Variants in CCNY observed in about 807,000 individuals in gnomAD.
CCNY encodes the protein cyclin-Y.
In CCNY, 19 loss-of-function variants were observed where a neutral mutation model predicts 42.8. That is an observed-to-expected ratio of 0.44 (90% CI 0.31 to 0.65). CCNY has a LOEUF of 0.65. CCNY is among the 30% of genes least tolerant of loss of function. The pLI, the probability that CCNY is intolerant of heterozygous loss-of-function variation, is 0.07. For synonymous variants in CCNY, 165 were observed against 162.7 expected (o/e 1.01, Z -0.11); for missense variants, 370 against 437.3 (o/e 0.85, Z 1.37).
At chr10:35,503,591 G>A (rs1254063155) in intron 3 of CCNY, among the ~76,000 whole-genome samples, 2 of 152,340 alleles carry the variant, frequency 1.3e-5, no homozygotes, top group East Asian at 3.9e-4. Flanking sequence ...TTAGAACAGT[G>A]GAGAAAGGAC....
intron 3 of CCNY, among the ~76,000 whole-genome samples, chr10:35,279,843 G>A (rs536135380): frequency 6.6e-6 from 1 of 152,318 alleles, no homozygotes; most frequent in South Asian, 2.1e-4. Flanking sequence ...AAGTTTGAAA[G>A]ATCACATAGA....
intron 7 of CCNY, among the ~76,000 whole-genome samples, chr10:35,539,365 G>A (rs1840949861): frequency 6.6e-6 from 1 of 152,180 alleles, no homozygotes; most frequent in Non-Finnish European, 1.5e-5. Flanking sequence ...AAGTATTGCA[G>A]TCTTAGCAAT....
At chr10:35,503,903 T>C (rs944256833) in intron 3 of CCNY, among the ~76,000 whole-genome samples, 1 of 152,244 alleles carries the variant, frequency 6.6e-6, no homozygotes, top group African/African-American at 2.4e-5. Flanking sequence ...CTTGCTTATC[T>C]GAACTTAGAG....
At chr10:35,298,290 T>C (rs1344832358) in intron 3 of CCNY, among the ~76,000 whole-genome samples, 1 of 152,148 alleles carries the variant, frequency 6.6e-6, no homozygotes, top group Non-Finnish European at 1.5e-5. Context: ...CCCCCAAAGT[T>C]CCTTCATATC....
chr10:35,396,630 G>C (rs1837533120), intron 1 of CCNY, among the ~76,000 whole-genome samples: 1 of 152,262 alleles, frequency 6.6e-6, no homozygotes, highest in Non-Finnish European at 1.5e-5. Flanking sequence ...CTTGCCCCAA[G>C]GGCTGGTGAG....
intron 3 of CCNY, among the ~76,000 whole-genome samples, chr10:35,506,167 C>CT (rs1554796114): frequency 7.9e-5 from 12 of 152,092 alleles, no homozygotes; most frequent in African/African-American, 2.4e-4. Flanking sequence ...TGAAAGAAGA[C>CT]TAAGTTTTTA....
intron 3 of CCNY, among the ~76,000 whole-genome samples, chr10:35,268,607 C>T (rs1177474192): frequency 1.3e-5 from 2 of 152,226 alleles, no homozygotes; most frequent in African/African-American, 2.4e-5. Flanking sequence ...AGCCAGGGCT[C>T]TCTGCAGTGA....
At chr10:35,513,400 CA>C (rs1840361947) in intron 3 of CCNY, among the ~76,000 whole-genome samples, 1 of 152,204 alleles carries the variant, frequency 6.6e-6, no homozygotes, top group East Asian at 1.9e-4. Context: ...GGGTGATGCC[CA>C]TCCTTTGCAA....
At chr10:35,450,661 G>T (rs1431676912) in intron 1 of CCNY, among the ~76,000 whole-genome samples, 1 of 151,758 alleles carries the variant, frequency 6.6e-6, no homozygotes, top group African/African-American at 2.4e-5. Context: ...TGGACATGGG[G>T]CACTTGGGGA....
In CCNY at chr10:35,324,156, TAGAC is replaced by T. The variant is rs201316679; in HGVS notation, c.-9+73535_-9+73538del. Among the ~76,000 whole-genome samples the T allele has an allele frequency of 8.1e-3, 1,235 of 152,304 alleles. 14 individuals are homozygous for T. The highest frequency in any genetic ancestry group is 0.028 in the African/African-American group (1,157 of 41,566). On this transcript the variant is annotated intron_variant, in intron 3 of 11. Coordinates refer to the CCNY transcript ENST00000374706. ...TCAATTCCTTTAAGAAGCCTCCACT[TAGAC>T]AGACGACCCTGGCACTCATAGCTCA...
intron 7 of CCNY, among the ~76,000 whole-genome samples, chr10:35,542,256 T>C (rs1056241015): frequency 6.6e-6 from 1 of 151,450 alleles, no homozygotes; most frequent in East Asian, 1.9e-4. Context: ...GGGATTTGTC[T>C]GACGTTTTTG....
At chr10:35,357,481 A>G (rs189398568) in intron 1 of CCNY, among the ~76,000 whole-genome samples, 1 of 152,302 alleles carries the variant, frequency 6.6e-6, no homozygotes, top group African/African-American at 2.4e-5. Context: ...AGACCTTGGC[A>G]TTTTTAAAGA....
intron 1 of CCNY, among the ~76,000 whole-genome samples, chr10:35,418,312 C>A (rs1838070996): frequency 6.6e-6 from 1 of 152,056 alleles, no homozygotes; most frequent in Non-Finnish European, 1.5e-5. Context: ...AATGAAAAGG[C>A]TGAGAAACCC....
chr10:35,474,759 C>T (rs1351197087), intron 1 of CCNY, among the ~76,000 whole-genome samples: 10 of 151,762 alleles, frequency 6.6e-5, no homozygotes, highest in South Asian at 2.1e-4. Context: ...TCCAAAGGAA[C>T]GCAGCTCCTC....
intron 3 of CCNY, among the ~76,000 whole-genome samples, chr10:35,255,333 T>A (rs2095714730): frequency 6.6e-6 from 1 of 151,446 alleles, no homozygotes; most frequent in Non-Finnish European, 1.5e-5. Flanking sequence ...TTCTTTTTTT[T>A]TTTTTGAGAC....
At chr10:35,293,026 C>T (rs760974294) in intron 3 of CCNY, among the ~76,000 whole-genome samples, 26 of 151,870 alleles carry the variant, frequency 1.7e-4, no homozygotes, top group Non-Finnish European at 2.4e-4. Flanking sequence ...GTGATCCACC[C>T]GCCTTGGCCT....
intron 9 of CCNY, 47 bp from the exon 10 acceptor site, chr10:35,569,007 C>T (rs528180413): frequency 7.1e-6 from 9 of 1,270,766 alleles, no homozygotes; most frequent in South Asian, 3.6e-5. Context: ...GAGCAATGGA[C>T]GCAGATATGG....
intron 1 of CCNY, among the ~76,000 whole-genome samples, chr10:35,446,393 GGA>G (rs1257084616): frequency 6.6e-6 from 1 of 152,092 alleles, no homozygotes; most frequent in Non-Finnish European, 1.5e-5. Context: ...TGAAAAATGT[GGA>G]GTTTTTTTTC....
At position 35,367,036 on chromosome 10, in the gene CCNY, C is replaced by T. The variant is rs1055620513; in HGVS notation, c.154+29829C>T. ...TGTCTGTTGTTCTCATATAAAATTC[C>T]CTTTATAAGCATTTTGATTGACTTG... On this transcript the variant is annotated intron_variant, in intron 1 of 9. Coordinates refer to ENST00000374704, the MANE Select transcript of CCNY (RefSeq NM_145012.6). Among the ~76,000 whole-genome samples the T allele has an allele frequency of 3.3e-5, 5 of 152,110 alleles. No individual in the cohort carries two copies. The East Asian group carries it at 9.6e-4, about 29-fold the overall frequency.
Sources: allele counts gnomAD v4.1 joint callset (sites outside exome capture counted in the v4.1 genomes callset), GRCh38; gene constraint gnomAD v4.1.1; transcripts MANE v1.5; gene names NCBI Gene and HGNC (gene_info 2026-07-23, HGNC 2026-07-21).